Variants in WNK1 observed in about 807,000 individuals in gnomAD.
The protein encoded by WNK1 is serine/threonine-protein kinase WNK1.
WNK1 carries 38 observed loss-of-function variants against 222.8 expected under a neutral mutation model. That is an observed-to-expected ratio of 0.17 (90% confidence interval 0.13 to 0.22). The LOEUF is 0.22. WNK1 is among the 10% of genes least tolerant of loss of function. The pLI, the probability that WNK1 is intolerant of heterozygous loss-of-function variation, is 1.00. For synonymous variants in WNK1, 1,090 were observed against 1,092.9 expected (o/e 1.00, Z 0.05); for missense variants, 2,348 against 2,918.4 (o/e 0.80, Z 4.50).
Position 757,327 on chromosome 12 carries a change from TTTTTTTAA to T in WNK1, c.759+3004_759+3011del, listed in dbSNP as rs1357939516. ...ATCAATTCTTTTTTTTTTTTTTTTT[TTTTTTTAA>T]AAAAAAAAAGAGACGGAGTCTTGCT... On this transcript the variant is annotated intron_variant, in intron 1 of 27. Transcript: ENST00000315939. 8.5e-5 allele frequency among the ~76,000 whole-genome samples: 9 copies of T among 105,920 alleles called. No individual in the cohort carries two copies. The East Asian group carries it at 2.4e-3, about 29-fold the overall frequency. 69.5% of individuals were successfully genotyped at this position (105,920 alleles called of 152,430 possible).
chr12:879,454 T>TG (rs1952925750), intron 10 of WNK1, 119 bp from the exon 11 acceptor site: 11 of 723,754 alleles, frequency 1.5e-5, no homozygotes, highest in Non-Finnish European at 2.2e-5. Context: ...GTGTTTTTTT[T>TG]TTTGTTTGTT....
At chr12:886,563 A>G (rs1176081622) in intron 19 of WNK1, among the ~76,000 whole-genome samples, 1 of 150,152 alleles carries the variant, frequency 6.7e-6, no homozygotes, top group South Asian at 2.1e-4. Context: ...AGAAATAAAT[A>G]ATCTAATCCT....
At position 884,019 on chromosome 12, in the gene WNK1, C is replaced by T; in HGVS notation, c.3722-102C>T. The T allele has an allele frequency of 6.4e-7, 1 of 1,558,466 alleles. No individual in the cohort carries two copies. Among genetic ancestry groups the T allele is most frequent in the Non-Finnish European group, 8.8e-7 (1 of 1,137,874 alleles). On this transcript the variant is annotated intron_variant, in intron 17 of 27. Coordinates refer to ENST00000315939, the MANE Select transcript of WNK1 (RefSeq NM_018979.4). The surrounding 1 kb of genome is among the most constrained non-coding windows in gnomAD (Gnocchi z 5.6). ...CTCCAGCCTGGGTGAGAGAATGAGA[C>T]CGTGCCTCAAAAAAAGCAGTTGTAT...
intron 1 of WNK1, among the ~76,000 whole-genome samples, chr12:755,555 C>G (rs554865770): frequency 9.9e-5 from 15 of 151,932 alleles, no homozygotes; most frequent in African/African-American, 2.9e-4. Context: ...TGTAGAACTT[C>G]TAAGGTAGTG....
intron 9 of WNK1, among the ~76,000 whole-genome samples, chr12:872,048 G>A (rs1169449322): frequency 6.6e-6 from 1 of 152,112 alleles, no homozygotes; most frequent in Non-Finnish European, 1.5e-5. Context: ...CTAATCTGTA[G>A]AATGATGTGT....
chr12:785,587 C>T lies in WNK1; in HGVS notation c.760-28055C>T, dbSNP rs561700702. Among the ~76,000 whole-genome samples the T allele has an allele frequency of 1.5e-4, 23 of 152,010 alleles. No individual in the cohort carries two copies. In the East Asian group the frequency reaches 2.9e-3, roughly 19 times the overall value. ...TAATTTTTTGTATTTTTAGTAGAGA[C>T]GGGGTTTCACCGTGTTCGCCAGGGT... On this transcript the variant is annotated intron_variant, in intron 1 of 27. Transcript: ENST00000315939.
At chr12:778,695 C>G (rs898680789) in intron 1 of WNK1, among the ~76,000 whole-genome samples, 1 of 149,426 alleles carries the variant, frequency 6.7e-6, no homozygotes, top group Middle Eastern at 3.2e-3. Flanking sequence ...ATCTATCGTG[C>G]TAACATTCAT....
In WNK1 at chr12:890,436, CTGTG is replaced by C. The variant is rs776213505; in HGVS notation, c.5449-11_5449-8del. Reference sequence around the variant, plus strand: ...GAAGCTAAAGATTTGTGGTGTCTGTCTGTGTGTGTTTTACAGCCTGTGTCCATGG... The same window carrying C: ...GAAGCTAAAGATTTGTGGTGTCTGTCTGTGTTTTACAGCCTGTGTCCATGG... On this transcript the variant is annotated splice_polypyrimidine_tract_variant and intron_variant, in intron 21 of 27. Transcript: ENST00000315939. 1 of 1,614,098 alleles carries C rather than the reference CTGTG, an allele frequency of 6.2e-7. No individual in the cohort carries two copies. Among genetic ancestry groups the C allele is most frequent in the Admixed American group, 1.7e-5 (1 of 60,016 alleles).
At chr12:801,510 G>A (rs1453936300) in intron 1 of WNK1, among the ~76,000 whole-genome samples, 1 of 151,166 alleles carries the variant, frequency 6.6e-6, no homozygotes, top group African/African-American at 2.4e-5. Context: ...CTGGGCTTAA[G>A]GGATCCTCCC....
intron 26 of WNK1, among the ~76,000 whole-genome samples, chr12:906,049 A>T (rs759502417): frequency 5.9e-5 from 9 of 152,174 alleles, no homozygotes; most frequent in Non-Finnish European, 1.0e-4. Flanking sequence ...GATGGTCAGT[A>T]ACAGGCTTTG....
chr12:791,718 A>G (rs994698313), intron 1 of WNK1, among the ~76,000 whole-genome samples: 32 of 152,364 alleles, frequency 2.1e-4, no homozygotes, highest in Non-Finnish European at 3.4e-4. Context: ...CTTACTTAGC[A>G]TAGTACATTG....
intron 8 of WNK1, chr12:868,460 C>T: frequency 6.2e-7 from 1 of 1,613,996 alleles, no homozygotes; most frequent in Non-Finnish European, 8.5e-7. Flanking sequence ...AGGACACCTT[C>T]AGAATCTAAG....
At chr12:777,418 A>G (rs775752633) in intron 1 of WNK1, among the ~76,000 whole-genome samples, 1 of 152,062 alleles carries the variant, frequency 6.6e-6, no homozygotes, top group African/African-American at 2.4e-5. Context: ...TCGGCCTCCC[A>G]AAGTGCTGGG....
chr12:782,133 C>G lies in WNK1; in HGVS notation c.759+27809C>G, dbSNP rs565584949. ...GTTTCATATAATTTTAAATCATTGT[C>G]ATCGACTGACTTTGGAAAGTAACTT... On this transcript the variant is annotated intron_variant, in intron 1 of 27. Coordinates refer to ENST00000315939, the MANE Select transcript of WNK1 (RefSeq NM_018979.4). Among the ~76,000 whole-genome samples, 3 of 152,266 alleles carry G rather than the reference C, an allele frequency of 2.0e-5. No individual in the cohort carries two copies. The South Asian group carries it at 6.2e-4, about 32-fold the overall frequency.
At chr12:796,415 A>G (rs992398893) in intron 1 of WNK1, among the ~76,000 whole-genome samples, 8 of 152,268 alleles carry the variant, frequency 5.3e-5, no homozygotes, top group African/African-American at 1.2e-4. Context: ...GTATTACGCA[A>G]TAAGGAGCTT....
At chr12:865,472 A>G in intron 8 of WNK1, 1 of 1,376,750 alleles carries the variant, frequency 7.3e-7, no homozygotes, top group South Asian at 1.5e-5. Flanking sequence ...AAACTTGGTT[A>G]TATTATGCTT....
chr12:796,293 G>T (rs1029438799), intron 1 of WNK1, among the ~76,000 whole-genome samples: 1 of 152,096 alleles, frequency 6.6e-6, no homozygotes, highest in African/African-American at 2.4e-5. Context: ...CCTTGTAACA[G>T]TATATTCTTA....
intron 1 of WNK1, among the ~76,000 whole-genome samples, chr12:807,045 G>C (rs1348101207): frequency 6.6e-6 from 1 of 151,626 alleles, no homozygotes; most frequent in Non-Finnish European, 1.5e-5. Context: ...TATTCCCCAA[G>C]TAAGTATGGA....
rs1219069942 is a variant in WNK1, at chr12:859,331, A to G, written c.1487A>G (p.Glu496Gly). 6.2e-7 allele frequency: 1 copy of G among 1,613,640 alleles called. No individual in the cohort carries two copies. The change falls in exon 6 of 28, where the codon GAA becomes GGA. Residue 496 changes from glutamate (E) to glycine (G), a missense_variant. By Grantham distance (98) the Glu-to-Gly change is moderately conservative (BLOSUM62 -2). Coordinates refer to ENST00000315939, the MANE Select transcript of WNK1 (RefSeq NM_018979.4). ...RVELAEEDDGEKIAIKLWLRI... is the reference protein window; with the variant it reads ...RVELAEEDDGGKIAIKLWLRI... Reference sequence around the variant, plus strand: ...GAATTAGCAGAAGAAGATGATGGAGAAAAAATAGCCATAAAATTATGGCTA... The same window carrying G: ...GAATTAGCAGAAGAAGATGATGGAGGAAAAATAGCCATAAAATTATGGCTA...
Sources: gnomAD v4.1 joint callset for allele counts (sites outside exome capture counted in the v4.1 genomes callset) on GRCh38, gnomAD v4.1.1 for gene constraint, Gnocchi (gnomAD v3.1) non-coding constraint, MANE v1.5 for transcripts, NCBI Gene and HGNC (gene_info 2026-07-23, HGNC 2026-07-21) for gene names.